Variants in DBF4B observed in about 807,000 individuals in gnomAD.
DBF4B encodes the protein protein DBF4 homolog B.
In DBF4B, 49 loss-of-function variants were observed where a neutral mutation model predicts 53.4. That is an observed-to-expected ratio of 0.92 (90% CI 0.73 to 1.16). The LOEUF (loss-of-function observed/expected upper bound fraction) is 1.16. DBF4B is among the 50% of genes most tolerant of loss of function. The probability of loss-of-function intolerance (pLI) is 0.00; values close to 1 mark genes in which losing one functional copy is unlikely to be tolerated. For synonymous variants in DBF4B, 257 were observed against 288.7 expected (o/e 0.89, Z 1.11); for missense variants, 692 against 775.0 (o/e 0.89, Z 1.27).
chr17:44,709,410 C>G (rs1210002712), intron 2 of DBF4B, 44 bp downstream of exon 2: 1 of 1,609,288 alleles, frequency 6.2e-7, no homozygotes, highest in Admixed American at 1.7e-5. Flanking sequence ...GAAAATTGCC[C>G]CAGGGTCTCT....
intron 3 of DBF4B, among the ~76,000 whole-genome samples, chr17:44,724,344 G>A (rs1204401141): frequency 1.3e-5 from 2 of 151,960 alleles, no homozygotes; most frequent in Non-Finnish European, 2.9e-5. Context: ...CAGCTAGGGT[G>A]ACACAGCATG....
chr17:44,745,674 ATATGAG>A (rs1483116270), intron 10 of DBF4B, among the ~76,000 whole-genome samples: 1 of 152,224 alleles, frequency 6.6e-6, no homozygotes, highest in Non-Finnish European at 1.5e-5. Context: ...TTACAATTCA[ATATGAG>A]ATTTGGGTGG....
chr17:44,719,521 A>G (rs147731677), intron 2 of DBF4B, among the ~76,000 whole-genome samples: 219 of 152,326 alleles, frequency 1.4e-3, no homozygotes, highest in African/African-American at 4.9e-3. Flanking sequence ...TGGACATTTC[A>G]TATAAATAGA....
chr17:44,732,266 G>T lies in DBF4B; in HGVS notation c.556+1G>T. 6.2e-7 allele frequency: 1 copy of T among 1,614,062 alleles called. No individual in the cohort carries two copies. Among genetic ancestry groups the T allele is most frequent in the Non-Finnish European group, 8.5e-7 (1 of 1,179,966 alleles). On this transcript the variant is annotated splice_donor_variant, in intron 6 of 13. Transcript: ENST00000315005. LOFTEE classifies it high-confidence loss of function. ...GGAGTGAGGATTCTGCACGTGGATG[G>T]TACCCTTTCTGTGCTGGGCTCCTGT...
rs909620511 is a variant in DBF4B, at chr17:44,730,981, G to T, written c.434G>T (p.Gly145Val). The T allele has an allele frequency of 1.2e-6, 2 of 1,614,010 alleles. No individual in the cohort carries two copies. Among genetic ancestry groups the T allele is most frequent in the Non-Finnish European group, 1.7e-6 (2 of 1,179,928 alleles). The change falls in exon 5 of 14, where the codon GGG becomes GTG. Residue 145 changes from glycine to valine, a missense_variant. Physicochemically the swap from Gly to Val is moderately radical, Grantham distance 109. Transcript: ENST00000315005. ...KPVDSVPLSR[G>V]KELLQKAIRN... ...CCCTGTCAGGTGCCTCTAAGCAGAG[G>T]GAAGGAGCTGCTGCAGAAGGCTATC...
rs781017058 is a variant in DBF4B at position 44,722,909 on chromosome 17, A to C, written c.112A>C (p.Lys38Gln). ...GVSRCLGKCQ[K>Q]NSPGARKHPF... ...TTCCAGGTGTCTAGGAAAATGCCAG[A>C]AGAACTCACCAGGTGCCAGGAAGCA... Residue 38 changes from lysine (K) to glutamine (Q), a missense_variant, in exon 3 of 14, where the codon AAG (lysine) becomes CAG (glutamine). Lys to Gln is a moderately conservative substitution (Grantham distance 53). This residue lies in a region of DBF4B where 66 missense variants were observed against 51.3 expected (regional missense o/e 1.29). Coordinates refer to ENST00000315005, the MANE Select transcript of DBF4B (RefSeq NM_145663.3). 3.1e-6 allele frequency: 5 copies of C among 1,614,070 alleles called. No homozygotes were observed. Among genetic ancestry groups the C allele is most frequent in the African/African-American group, 1.3e-5 (1 of 74,940 alleles).
chr17:44,708,873 G>A (rs1319663440), intron 1 of DBF4B, 34 bp downstream of exon 1: 2 of 1,550,400 alleles, frequency 1.3e-6, no homozygotes. Context: ...AAGAAAGGCG[G>A]AAGGGGTCGT....
rs2145175082 is a variant in DBF4B at position 44,749,942 on chromosome 17, G to A, written c.1190-653G>A. The A allele has an allele frequency of 9.8e-7, 1 of 1,021,278 alleles. No homozygotes were observed. Among genetic ancestry groups the A allele is most frequent in the Admixed American group, 5.1e-5 (1 of 19,760 alleles). The allele number at this position is 1,021,278 out of a possible 1,614,324, so 63.3% of individuals were successfully genotyped here. On this transcript the variant is annotated intron_variant, in intron 13 of 13. Coordinates refer to ENST00000315005, the MANE Select transcript of DBF4B (RefSeq NM_145663.3). This position sits in a 1 kb window ranked among gnomAD's most constrained non-coding sequence, Gnocchi z 4.4. ...CAGGAACATATGAAGCAGAGGAGGG[G>A]CTTGGGCTGCACCACTCACAGAGCT...
intron 12 of DBF4B, among the ~76,000 whole-genome samples, 166 bp from the exon 13 acceptor site, chr17:44,748,175 C>T (rs561422889): frequency 3.9e-5 from 6 of 152,334 alleles, no homozygotes; most frequent in South Asian, 2.1e-4. Flanking sequence ...CTGGTTGCTG[C>T]GGCAGGTTAG....
rs1248030630 is a variant in DBF4B at position 44,708,756 on chromosome 17, C to T, written c.-65C>T. On this transcript the variant is annotated 5_prime_UTR_variant, in exon 1 of 14. Coordinates refer to ENST00000315005, the MANE Select transcript of DBF4B (RefSeq NM_145663.3). ...GTGGAATCGGGAAGAGCTCATGGAGCTCGCGAATGTAATACGGAGGCCTCT... is the reference window on the plus strand; with the variant it reads ...GTGGAATCGGGAAGAGCTCATGGAGTTCGCGAATGTAATACGGAGGCCTCT... 8 of 1,535,326 alleles carry T rather than the reference C, an allele frequency of 5.2e-6. No individual in the cohort carries two copies. The highest frequency in any genetic ancestry group is 1.2e-5 in the South Asian group (1 of 82,652).
Position 44,715,812 on chromosome 17 carries a change from CTTTTTTTTTTTTTTT to C in DBF4B, c.82+6460_82+6474del, listed in dbSNP as rs869200833. Among the ~76,000 whole-genome samples, 168 of 55,550 alleles carry C rather than the reference CTTTTTTTTTTTTTTT, an allele frequency of 3.0e-3. 4 individuals are homozygous for C. The South Asian group carries it at 0.063, about 21-fold the overall frequency. 36.4% of individuals were successfully genotyped at this position (55,550 alleles called of 152,430 possible). On this transcript the variant is annotated intron_variant, in intron 2 of 13. Coordinates refer to ENST00000315005, the MANE Select transcript of DBF4B (RefSeq NM_145663.3). The stretch of plus-strand genomic sequence containing the variant: ...GTTAGCCTAATTTCTTTCTTTCTTT[CTTTTTTTTTTTTTTT>C]TTTTTTTTTTTTTGAGGCAGAGTCT...
intron 8 of DBF4B, 105 bp downstream of exon 8, chr17:44,736,971 A>G (rs1355573264): frequency 5.9e-6 from 8 of 1,361,868 alleles, no homozygotes; most frequent in African/African-American, 1.4e-5. Flanking sequence ...TGTGGCAGCA[A>G]GCGAGTCCAG....
chr17:44,748,242 T>C, intron 12 of DBF4B, 99 bp from the exon 13 acceptor site: 2 of 1,476,074 alleles, frequency 1.4e-6, no homozygotes, highest in Middle Eastern at 1.8e-4. Context: ...TCTCGGCACA[T>C]GAACCGCCAG....
intron 3 of DBF4B, among the ~76,000 whole-genome samples, chr17:44,728,955 G>A (rs1372988568): frequency 6.6e-6 from 1 of 152,040 alleles, no homozygotes; most frequent in African/African-American, 2.4e-5. Flanking sequence ...AAATTAGCCA[G>A]TGTGGTGGGA....
Position 44,751,492 on chromosome 17 carries a change from G to T in DBF4B, c.*239G>T. Reference sequence around the variant, plus strand: ...CTGAAGAGGTGTCCTCCCTCCACAAGTCACACTGTCTGTCCCTGGCCCTCC... The same window carrying T: ...CTGAAGAGGTGTCCTCCCTCCACAATTCACACTGTCTGTCCCTGGCCCTCC... On this transcript the variant is annotated 3_prime_UTR_variant, in exon 14 of 14. Coordinates refer to ENST00000315005, the MANE Select transcript of DBF4B (RefSeq NM_145663.3). The T allele has an allele frequency of 7.1e-7, 1 of 1,400,080 alleles. No homozygotes were observed. Among genetic ancestry groups the T allele is most frequent in the Non-Finnish European group, 9.2e-7 (1 of 1,081,134 alleles). The allele number at this position is 1,400,080 out of a possible 1,614,324, so 86.7% of individuals were successfully genotyped here. A position where few individuals can be genotyped will look rare whatever the true frequency, so the allele number is the denominator to read the frequency against.
At chr17:44,732,001 A>T (rs1974879554) in intron 5 of DBF4B, 177 bp from the exon 6 acceptor site, 4 of 592,708 alleles carry the variant, frequency 6.7e-6, no homozygotes, top group Non-Finnish European at 1.2e-5. Flanking sequence ...GGAGGACAGG[A>T]TGTCTTCCTG....
intron 2 of DBF4B, among the ~76,000 whole-genome samples, chr17:44,716,534 C>T (rs1973352646): frequency 6.6e-6 from 1 of 152,064 alleles, no homozygotes; most frequent in Admixed American, 6.6e-5. Flanking sequence ...CATTTTGAGC[C>T]AAGTAATTCT....
rs773286756 is a variant in DBF4B at position 44,738,400 on chromosome 17, TC to T, written c.691del (p.Leu231SerfsTer157). On this transcript the variant is annotated frameshift_variant, in exon 9 of 14. Coordinates refer to ENST00000315005, the MANE Select transcript of DBF4B (RefSeq NM_145663.3). LOFTEE classifies it high-confidence loss of function. ...TCAGTGGCCAGACTGAAGGCCCCGT[TC>T]CTCAAAATCGAAGATGAAAGCAGGT... ...TRKVARLKAP[F>X]LKIEDESRKF... 1.2e-6 allele frequency: 2 copies of T among 1,613,770 alleles called. No homozygotes were observed. The highest frequency in any genetic ancestry group is 2.7e-5 in the African/African-American group (2 of 74,934).
chr17:44,720,673 T>C (rs536080660), intron 2 of DBF4B: 1 of 152,950 alleles, frequency 6.5e-6, no homozygotes, highest in African/African-American at 2.4e-5. Context: ...CAAGTTTTCA[T>C]GTGGCTGTGT....
Sources: gnomAD v4.1 joint callset for allele counts (sites outside exome capture counted in the v4.1 genomes callset) on GRCh38, gnomAD v4.1.1 for gene constraint, gnomAD v4.1.1 regional missense constraint, Gnocchi (gnomAD v3.1) non-coding constraint, MANE v1.5 for transcripts, NCBI Gene and HGNC (gene_info 2026-07-23, HGNC 2026-07-21) for gene names.